The following LRP1B variants were observed in gnomAD, a reference collection of about 807,000 sequenced individuals.
LRP1B encodes low-density lipoprotein receptor-related protein 1B.
In LRP1B, 217 loss-of-function variants were observed where a neutral mutation model predicts 556.6. The observed-to-expected ratio is 0.39, with a 90% CI of 0.35 to 0.44. The LOEUF (loss-of-function observed/expected upper bound fraction) is 0.44, where lower values mean the gene tolerates loss of function less well. Among genes scored for constraint, LRP1B ranks in the 20% least tolerant of loss-of-function variants. The pLI, the probability that LRP1B is intolerant of heterozygous loss-of-function variation, is 1.00. For synonymous variants in LRP1B, 2,047 were observed against 1,865.8 expected (o/e 1.10, Z -2.50); for missense variants, 5,053 against 5,620.8 (o/e 0.90, Z 3.23).
At chr2:141,636,373 A>AT (rs1403401690) in intron 2 of LRP1B, among the ~76,000 whole-genome samples, 1 of 152,190 alleles carries the variant, frequency 6.6e-6, no homozygotes, top group Middle Eastern at 3.2e-3. Context: ...ACAAATGAAA[A>AT]GAACTCAACC....
At chr2:140,321,362 T>C (rs1680114984) in intron 82 of LRP1B, among the ~76,000 whole-genome samples, 1 of 151,938 alleles carries the variant, frequency 6.6e-6, no homozygotes, top group Non-Finnish European at 1.5e-5. Context: ...TCCATTTTGT[T>C]TCTGTTAGTT....
chr2:140,703,592 A>T (rs1250625391), intron 37 of LRP1B, among the ~76,000 whole-genome samples: 1 of 152,148 alleles, frequency 6.6e-6, no homozygotes, highest in Non-Finnish European at 1.5e-5. Context: ...CCTAATTTTT[A>T]AAAATTATTG....
At chr2:141,101,330 GA>G (rs1219235254) in intron 7 of LRP1B, among the ~76,000 whole-genome samples, 1 of 152,058 alleles carries the variant, frequency 6.6e-6, no homozygotes. Flanking sequence ...GAAAAGAAGT[GA>G]ATTTGTGGAC....
intron 2 of LRP1B, among the ~76,000 whole-genome samples, chr2:141,570,712 C>T (rs1686495569): frequency 1.3e-5 from 2 of 151,388 alleles, no homozygotes; most frequent in Non-Finnish European, 3.0e-5. Flanking sequence ...GCTTTTCCCC[C>T]TGCTGAAGCC....
chr2:140,821,993 C>T (rs1466918209), intron 31 of LRP1B, among the ~76,000 whole-genome samples: 6 of 148,478 alleles, frequency 4.0e-5, no homozygotes, highest in African/African-American at 1.3e-4. Flanking sequence ...AGTGAGACTC[C>T]GTCTCAAAAA....
chr2:141,698,622 A>G (rs1574256209), intron 2 of LRP1B, among the ~76,000 whole-genome samples: 1 of 151,810 alleles, frequency 6.6e-6, no homozygotes, highest in South Asian at 2.1e-4. Flanking sequence ...AGATTTCCAT[A>G]GTCTATTAAA....
intron 35 of LRP1B, among the ~76,000 whole-genome samples, chr2:140,766,865 T>TATATATATAA (rs1559106499): frequency 3.4e-5 from 2 of 58,934 alleles, no homozygotes; most frequent in African/African-American, 8.3e-5. Context: ...TATATATATA[T>TATATATATAA]AATATATATA....
intron 63 of LRP1B, among the ~76,000 whole-genome samples, chr2:140,446,477 A>T (rs1313520109): frequency 6.6e-6 from 1 of 152,124 alleles, no homozygotes; most frequent in African/African-American, 2.4e-5. Context: ...TTCTCAGGTG[A>T]TGTTATAAGT....
intron 1 of LRP1B, among the ~76,000 whole-genome samples, chr2:142,044,791 A>AG (rs1553508616): frequency 6.6e-6 from 1 of 151,308 alleles, no homozygotes; most frequent in East Asian, 2.0e-4. Flanking sequence ...TAACATGAAA[A>AG]TTAACGGTTA....
At chr2:141,993,452 C>A (rs1014833038) in intron 1 of LRP1B, among the ~76,000 whole-genome samples, 2 of 152,096 alleles carry the variant, frequency 1.3e-5, no homozygotes. Context: ...ACCTTCCAAT[C>A]TTCTAGCATC....
chr2:141,171,510 CATGTT>C (rs1396561183), intron 7 of LRP1B, among the ~76,000 whole-genome samples: 1 of 152,064 alleles, frequency 6.6e-6, no homozygotes, highest in Non-Finnish European at 1.5e-5. Context: ...AGAGCTGTCT[CATGTT>C]AAGTTATAAA....
intron 33 of LRP1B, 121 bp from the exon 34 acceptor site, chr2:140,771,127 A>G: frequency 3.1e-6 from 2 of 638,532 alleles, no homozygotes. Context: ...GCTGTTTCAT[A>G]CTGGTTAAAG....
chr2:141,464,715 A>C (rs12473991), intron 3 of LRP1B, among the ~76,000 whole-genome samples: 37,162 of 149,896 alleles, frequency 0.25, 5,493 homozygotes, highest in East Asian at 0.52. Context: ...TACAGGCACG[A>C]GCCCCTGCGC....
At chr2:141,645,039 T>C (rs1689501035) in intron 2 of LRP1B, among the ~76,000 whole-genome samples, 1 of 152,140 alleles carries the variant, frequency 6.6e-6, no homozygotes, top group African/African-American at 2.4e-5. Flanking sequence ...AAGCTGATGA[T>C]ATAATGACTA....
At chr2:140,818,291 C>T (rs763086663) in intron 31 of LRP1B, among the ~76,000 whole-genome samples, 14 of 152,132 alleles carry the variant, frequency 9.2e-5, no homozygotes, top group Non-Finnish European at 1.5e-4. Context: ...TATTCTTTTT[C>T]TGGCACTAAC....
At chr2:140,364,043 C>T (rs1428139657) in intron 72 of LRP1B, among the ~76,000 whole-genome samples, 1 of 151,588 alleles carries the variant, frequency 6.6e-6, no homozygotes, top group East Asian at 1.9e-4. Flanking sequence ...TTGTTGGTCT[C>T]ATAAGCATAC....
At chr2:141,222,660 G>A (rs1216675154) in intron 6 of LRP1B, among the ~76,000 whole-genome samples, 2 of 152,106 alleles carry the variant, frequency 1.3e-5, no homozygotes, top group Non-Finnish European at 2.9e-5. Context: ...AAATCCAGCA[G>A]CACATCCAAA....
chr2:140,296,079 G>A (rs568016400), intron 84 of LRP1B, among the ~76,000 whole-genome samples: 2 of 152,246 alleles, frequency 1.3e-5, no homozygotes, highest in Non-Finnish European at 2.9e-5. Context: ...AAAGACTATA[G>A]TACAGATTGA....
At chr2:141,949,051 T>A (rs986942418) in intron 1 of LRP1B, among the ~76,000 whole-genome samples, 2 of 152,302 alleles carry the variant, frequency 1.3e-5, no homozygotes, top group South Asian at 4.1e-4. Context: ...CTGAAGGGAA[T>A]GCTTGTGGCT....
Sources: allele counts gnomAD v4.1 joint callset (sites outside exome capture counted in the v4.1 genomes callset), GRCh38; gene constraint gnomAD v4.1.1; transcripts MANE v1.5; gene names NCBI Gene and HGNC (gene_info 2026-07-23, HGNC 2026-07-21).